The following FBXO34 variants were observed in gnomAD, a reference collection of about 807,000 sequenced individuals.
FBXO34 encodes F-box protein 34.
In FBXO34, 12 loss-of-function variants were observed where a neutral mutation model predicts 24.5. That is an observed-to-expected ratio of 0.49 (90% CI 0.31 to 0.79). FBXO34 has a LOEUF of 0.79. Among genes scored for constraint, FBXO34 ranks in the 30% least tolerant of loss-of-function variants. The pLI, the probability that FBXO34 is intolerant of heterozygous loss-of-function variation, is 0.04. For missense variants in FBXO34, 823 were observed against 857.7 expected (o/e 0.96, Z 0.51); for synonymous variants, 320 against 311.9 (o/e 1.03, Z -0.27).
At position 55,298,594 on chromosome 14, in the gene FBXO34, G is replaced by GC. The variant is rs1282459484; in HGVS notation, c.-11+27057_-11+27058insC. On this transcript the variant is annotated intron_variant, in intron 1 of 1. Transcript: ENST00000313833. ...TGGCAGGGTGGAGGCGGAGGAGGGC[G>GC]GGCGCCGGAGCCCAGCCGGAGCGGG... 5 of 901,194 alleles carry GC rather than the reference G, an allele frequency of 5.5e-6. No individual in the cohort carries two copies. The African/African-American group carries it at 8.2e-5, about 15-fold the overall frequency. 55.8% of individuals were successfully genotyped at this position (901,194 alleles called of 1,614,324 possible).
chr14:55,376,899 A>G, the FBXO34 span, among the ~76,000 whole-genome samples: 1 of 152,232 alleles, frequency 6.6e-6, no homozygotes, highest in South Asian at 2.1e-4. Flanking sequence ...ACATGCTTTC[A>G]TGGGCTGAGA....
chr14:55,351,481 A>G lies in FBXO34; in HGVS notation c.1091A>G (p.Gln364Arg). 1.2e-6 allele frequency: 2 copies of G among 1,614,200 alleles called. No homozygotes were observed. The highest frequency in any genetic ancestry group is 2.7e-5 in the African/African-American group (2 of 75,056). The stretch of plus-strand genomic sequence containing the variant: ...GATCGTTGTTCTCCTAAGGAGGACC[A>G]GGCCTGGGACGGTGCTTCTCAGGAC... ...RADRCSPKED[Q>R]AWDGASQDCP... Residue 364 changes from glutamine to arginine, a missense_variant, in exon 2 of 2, where the codon CAG (glutamine) becomes CGG (arginine). Coordinates refer to ENST00000313833, the MANE Select transcript of FBXO34 (RefSeq NM_017943.4).
chr14:55,410,278 C>G, the FBXO34 span, among the ~76,000 whole-genome samples: 1 of 152,150 alleles, frequency 6.6e-6, no homozygotes, highest in South Asian at 2.1e-4. Flanking sequence ...GTTGGAGATA[C>G]AAGTCTGGCA....
the FBXO34 span, among the ~76,000 whole-genome samples, chr14:55,437,540 C>A: frequency 1.3e-5 from 2 of 152,192 alleles, no homozygotes; most frequent in Non-Finnish European, 2.9e-5. Context: ...TTTTAAAATG[C>A]AGAAAAAGCA....
At chr14:55,398,240 C>T in the FBXO34 span, among the ~76,000 whole-genome samples, 1 of 152,036 alleles carries the variant, frequency 6.6e-6, no homozygotes, top group East Asian at 1.9e-4. Flanking sequence ...TGTGAGCCAC[C>T]GCGCCCAGCA....
the FBXO34 span, chr14:55,395,002 T>C: frequency 2.2e-6 from 1 of 458,578 alleles, no homozygotes; most frequent in Non-Finnish European, 4.4e-6. Context: ...TAGTTTCTTG[T>C]TTTCTGCAGG....
At chr14:55,298,859 T>C (rs1295049720) in intron 1 of FBXO34, 1 of 1,611,626 alleles carries the variant, frequency 6.2e-7, no homozygotes, top group Non-Finnish European at 8.5e-7. Context: ...AGATCGACGG[T>C]ACATTATCAA....
the FBXO34 span, among the ~76,000 whole-genome samples, chr14:55,426,795 C>G: frequency 1.3e-5 from 2 of 152,126 alleles, no homozygotes. Context: ...GGGATGGGCC[C>G]ACTCCGTCTG....
At chr14:55,288,542 T>C (rs940720647) in intron 1 of FBXO34, among the ~76,000 whole-genome samples, 2 of 152,190 alleles carry the variant, frequency 1.3e-5, no homozygotes, top group Non-Finnish European at 2.9e-5. Flanking sequence ...TACGGCCTGT[T>C]TGATACATTT....
At position 55,351,212 on chromosome 14, in the gene FBXO34, C is replaced by T. The variant is rs34847946; in HGVS notation, c.822C>T (p.Ser274=). 2.6e-3 allele frequency: 4,118 copies of T among 1,614,138 alleles called. 6 individuals are homozygous for T. The highest frequency in any genetic ancestry group is 3.2e-3 in the Non-Finnish European group (3,821 of 1,180,032). The part of the protein sequence containing the change: ...RGNLEVGEPQ[S]EPVRVLDMVA... ...ATCTTGAGGTTGGTGAACCACAGAG[C>T]GAACCAGTCCGTGTCCTTGACATGG... The change falls in exon 2 of 2, where the codon AGC becomes AGT. Residue 274 remains serine (S), a synonymous_variant. Transcript: ENST00000313833.
rs372305828 is a variant in FBXO34 at position 55,281,991 on chromosome 14, CTT to C, written c.-11+10477_-11+10478del. Among the ~76,000 whole-genome samples the C allele has an allele frequency of 3.1e-4, 20 of 65,132 alleles. No homozygotes were observed. The East Asian group carries it at 5.2e-3, about 17-fold the overall frequency. The allele number at this position is 65,132 out of a possible 152,430, so 42.7% of individuals were successfully genotyped here. A position where few individuals can be genotyped will look rare whatever the true frequency, so the allele number is the denominator to read the frequency against. On this transcript the variant is annotated intron_variant, in intron 1 of 1. Coordinates refer to ENST00000313833, the MANE Select transcript of FBXO34 (RefSeq NM_017943.4). ...CAGTAAGTTTCATTTTTAAATTTAG[CTT>C]TTTTTTTTTTTTTTTTTTTTTTGAT... is the stretch of plus-strand genomic sequence containing the variant.
downstream of FBXO34, chr14:55,368,638 G>GAAAC (rs1227537165): frequency 2.0e-5 from 3 of 151,894 alleles, no homozygotes; most frequent in African/African-American, 4.9e-5. Context: ...AGAGTTCGGG[G>GAAAC]AAACAAGTAG....
At chr14:55,384,019 G>T in the FBXO34 span, among the ~76,000 whole-genome samples, 1 of 152,140 alleles carries the variant, frequency 6.6e-6, no homozygotes, top group Non-Finnish European at 1.5e-5. Context: ...CACAACATAC[G>T]TATAAGATAG....
chr14:55,316,984 T>G (rs1370650174), intron 1 of FBXO34, among the ~76,000 whole-genome samples: 1 of 152,216 alleles, frequency 6.6e-6, no homozygotes, highest in Non-Finnish European at 1.5e-5. Flanking sequence ...GTACGGCTTA[T>G]CAACTAAGCT....
chr14:55,437,167 T>C, the FBXO34 span: 7 of 688,998 alleles, frequency 1.0e-5, no homozygotes, highest in South Asian at 1.9e-5. Flanking sequence ...TGCTTTTTTC[T>C]AGAAAATGCC....
chr14:55,437,064 C>T, the FBXO34 span: 9 of 1,526,568 alleles, frequency 5.9e-6, no homozygotes, highest in East Asian at 2.0e-4. Context: ...ACAGACAGAA[C>T]AGCATGTTAC....
chr14:55,357,109 T>A (rs1220794220), downstream of FBXO34, among the ~76,000 whole-genome samples: 1 of 152,252 alleles, frequency 6.6e-6, no homozygotes, highest in African/African-American at 2.4e-5. Context: ...CCATAGCTGA[T>A]GTTTGCACAA....
chr14:55,408,526 C>T, the FBXO34 span, among the ~76,000 whole-genome samples: 678 of 152,186 alleles, frequency 4.5e-3, 7 homozygotes, highest in African/African-American at 0.015. Context: ...AATCCTAACA[C>T]TTTGGGAGGC....
At chr14:55,427,880 CTTTTTTT>C in the FBXO34 span, among the ~76,000 whole-genome samples, 39 of 130,896 alleles carry the variant, frequency 3.0e-4, no homozygotes, top group Non-Finnish European at 4.9e-4. Context: ...GTTAGGATTG[CTTTTTTT>C]TTTTTTTTTT....
Sources: allele counts gnomAD v4.1 joint callset (sites outside exome capture counted in the v4.1 genomes callset), GRCh38; gene constraint gnomAD v4.1.1; transcripts MANE v1.5; gene names NCBI Gene and HGNC (gene_info 2026-07-23, HGNC 2026-07-21).